LIPA: variants seen among roughly 807,000 people sequenced by gnomAD.
LIPA encodes lipase A, lysosomal acid type, also known as lysosomal acid lipase/cholesteryl ester hydrolase.
A neutral mutation model predicts 40.6 loss-of-function variants in LIPA; 26 were observed. That is an observed-to-expected ratio of 0.64 (90% CI 0.47 to 0.89). The LOEUF is 0.89. Among genes scored for constraint, LIPA ranks in the 40% least tolerant of loss-of-function variants. The pLI is 0.00. For synonymous variants in LIPA, 188 were observed against 168.4 expected (o/e 1.12, Z -0.90); for missense variants, 455 against 479.6 (o/e 0.95, Z 0.48).
At chr10:89,300,322 A>T (rs1233751576) in intron 1 of LIPA, among the ~76,000 whole-genome samples, 1 of 152,036 alleles carries the variant, frequency 6.6e-6, no homozygotes, top group African/African-American at 2.4e-5. Context: ...GCCGTTAAAT[A>T]AAAAAAATAA....
At chr10:89,384,108 G>C in intron 2 of LIPA, 1 of 1,614,178 alleles carries the variant, frequency 6.2e-7, no homozygotes, top group South Asian at 1.1e-5. Context: ...GAAGAAAAGG[G>C]TCTGTGGATA....
intron 1 of LIPA, among the ~76,000 whole-genome samples, chr10:89,324,714 G>T (rs1220722224): frequency 1.3e-5 from 2 of 152,178 alleles, no homozygotes; most frequent in Non-Finnish European, 2.9e-5. Flanking sequence ...CAAAGGACAT[G>T]AACAGACACT....
Position 89,226,098 on chromosome 10 carries a change from G to A in LIPA, c.538+797C>T, listed in dbSNP as rs1842766879. 2.0e-5 allele frequency among the ~76,000 whole-genome samples: 3 copies of A among 152,182 alleles called. No individual in the cohort carries two copies. The South Asian group carries it at 6.2e-4, about 32-fold the overall frequency. ...ACGTCTTGCCACCTGGCCCCAGAATGTCACTTTAGGAAGCAGTGGGGCAAA... is the reference window on the plus strand; with the variant it reads ...ACGTCTTGCCACCTGGCCCCAGAATATCACTTTAGGAAGCAGTGGGGCAAA... On this transcript the variant is annotated intron_variant, in intron 5 of 9. Coordinates refer to ENST00000336233, the MANE Select transcript of LIPA (RefSeq NM_000235.4).
At chr10:89,402,089 C>T (rs146368280) in intron 2 of LIPA, among the ~76,000 whole-genome samples, 1 of 152,262 alleles carries the variant, frequency 6.6e-6, no homozygotes, top group East Asian at 1.9e-4. Flanking sequence ...CTGGAAATTG[C>T]TCTAGCCAGC....
Position 89,225,112 on chromosome 10 carries a change from ATCG to A in LIPA, c.652_654del (p.Arg218del). The A allele has an allele frequency of 6.2e-7, 1 of 1,614,188 alleles. No homozygotes were observed. Among genetic ancestry groups the A allele is most frequent in the Non-Finnish European group, 8.5e-7 (1 of 1,180,032 alleles). Reference sequence around the variant, plus strand: ...AGTACCTTAATGAGATGATCTGGTAATCGTCCTAATTTGGCCATAGGGCTAGTA... The same window carrying A: ...AGTACCTTAATGAGATGATCTGGTAATCCTAATTTGGCCATAGGGCTAGTA... On this transcript the variant is annotated inframe_deletion, in exon 6 of 10. Coordinates refer to ENST00000336233, the MANE Select transcript of LIPA (RefSeq NM_000235.4).
intron 2 of LIPA, among the ~76,000 whole-genome samples, chr10:89,382,106 T>A (rs1238470236): frequency 6.6e-6 from 1 of 152,160 alleles, no homozygotes; most frequent in Non-Finnish European, 1.5e-5. Flanking sequence ...CAAAAAAGAA[T>A]GTTTCATCAT....
At chr10:89,302,850 C>T (rs1404284563) in intron 1 of LIPA, among the ~76,000 whole-genome samples, 1 of 152,092 alleles carries the variant, frequency 6.6e-6, no homozygotes, top group Non-Finnish European at 1.5e-5. Flanking sequence ...GGTGGCCGGA[C>T]CTGGTTGCCT....
At chr10:89,348,180 GT>G (rs1233154041) in intron 2 of LIPA, among the ~76,000 whole-genome samples, 3 of 152,204 alleles carry the variant, frequency 2.0e-5, no homozygotes, top group African/African-American at 7.2e-5. Flanking sequence ...TTAAGTAGGA[GT>G]TTGGAAAGAC....
chr10:89,264,278 G>A (rs1843224418), intron 1 of LIPA, among the ~76,000 whole-genome samples: 1 of 152,230 alleles, frequency 6.6e-6, no homozygotes, highest in South Asian at 2.1e-4. Flanking sequence ...CAGACGACTG[G>A]AGGGTGAGCA....
At chr10:89,333,518 G>A (rs1283403760) in intron 1 of LIPA, among the ~76,000 whole-genome samples, 3 of 152,138 alleles carry the variant, frequency 2.0e-5, no homozygotes, top group African/African-American at 4.8e-5. Flanking sequence ...GGAGGGGGGA[G>A]GGGTGGGAAG....
upstream of LIPA, among the ~76,000 whole-genome samples, chr10:89,343,795 G>T (rs1461043810): frequency 1.3e-5 from 2 of 152,180 alleles, no homozygotes; most frequent in African/African-American, 4.8e-5. Context: ...GTGTGGGACA[G>T]TGATATGAGG....
rs377475424 is a variant in LIPA at position 89,367,539 on chromosome 10, A to G, written c.61+45252T>C. ...TATTGTTCCTTCTTGGTTAAAAGTT[A>G]CATAGAAAATTTACTAGAAGTTAGA... On this transcript the variant is annotated intron_variant, in intron 2 of 8. Transcript: ENST00000371837. Among the ~76,000 whole-genome samples the G allele has an allele frequency of 1.5e-4, 23 of 152,372 alleles. No individual in the cohort carries two copies. The East Asian group carries it at 2.3e-3, about 15-fold the overall frequency.
At position 89,402,298 on chromosome 10, in the gene LIPA, A is replaced by T. The variant is rs1162893593; in HGVS notation, c.61+10493T>A. 7 of 1,609,930 alleles carry T rather than the reference A, an allele frequency of 4.3e-6. No individual in the cohort carries two copies. In the East Asian group the frequency reaches 1.6e-4, roughly 36 times the overall value. On this transcript the variant is annotated intron_variant, in intron 2 of 8. Coordinates refer to the LIPA transcript ENST00000371837. ...TTTTACAGTACAAATGGTGATGATC[A>T]TCAGGTCAAGGATAGTCTGGAGCAA...
intron 1 of LIPA, among the ~76,000 whole-genome samples, chr10:89,286,857 C>T (rs1187972763): frequency 6.6e-6 from 1 of 152,206 alleles, no homozygotes; most frequent in African/African-American, 2.4e-5. Flanking sequence ...CAATTCCTTG[C>T]CTCCACTGTG....
chr10:89,307,073 C>T (rs761596604), intron 1 of LIPA: 2 of 1,614,052 alleles, frequency 1.2e-6, no homozygotes, highest in South Asian at 2.2e-5. Context: ...GAAACAACTG[C>T]TCCATCTGCG....
intron 1 of LIPA, chr10:89,339,955 G>A: frequency 6.2e-7 from 1 of 1,614,214 alleles, no homozygotes; most frequent in South Asian, 1.1e-5. Flanking sequence ...TCTGCTGCAA[G>A]CAGCCAAATG....
chr10:89,306,886 A>C (rs1843484304), intron 1 of LIPA: 2 of 1,614,100 alleles, frequency 1.2e-6, no homozygotes, highest in Non-Finnish European at 1.7e-6. Flanking sequence ...ATGGGAAAAG[A>C]AAGTTACTGG....
At chr10:89,371,687 T>C (rs1187358043) in intron 2 of LIPA, among the ~76,000 whole-genome samples, 3 of 152,188 alleles carry the variant, frequency 2.0e-5, no homozygotes, top group African/African-American at 7.2e-5. Flanking sequence ...TGACAATGAA[T>C]GCTGCTTTGG....
intron 1 of LIPA, among the ~76,000 whole-genome samples, chr10:89,257,564 G>A (rs928671289): frequency 1.3e-5 from 2 of 152,188 alleles, no homozygotes; most frequent in Non-Finnish European, 1.5e-5. Context: ...TCAGACATTG[G>A]ACAACAAATA....
Sources: gnomAD v4.1 joint callset for allele counts (sites outside exome capture counted in the v4.1 genomes callset) on GRCh38, gnomAD v4.1.1 for gene constraint, MANE v1.5 for transcripts, NCBI Gene and HGNC (gene_info 2026-07-23, HGNC 2026-07-21) for gene names.